Variants in PDPK1 observed in about 807,000 individuals in gnomAD.
PDPK1 encodes 3-phosphoinositide dependent protein kinase 1.
PDPK1 carries 7 observed loss-of-function variants against 39.8 expected under a neutral mutation model. The ratio of observed to expected loss-of-function variants is 0.18; its 90% CI spans 0.10 to 0.33. The LOEUF (loss-of-function observed/expected upper bound fraction) is 0.33. PDPK1 is among the 10% of genes least tolerant of loss of function. PDPK1 has a pLI of 1.00. For missense variants in PDPK1, 182 were observed against 384.7 expected (o/e 0.47, Z 4.41); for synonymous variants, 118 against 159.1 (o/e 0.74, Z 1.95).
chr16:2,577,922 A>G (rs1263712807), intron 7 of PDPK1, among the ~76,000 whole-genome samples: 1 of 147,986 alleles, frequency 6.8e-6, no homozygotes, highest in Non-Finnish European at 1.5e-5. Context: ...TATTTTTGGT[A>G]GAGACGGGGT....
At chr16:2,592,281 G>A (rs2067004540) in intron 11 of PDPK1, among the ~76,000 whole-genome samples, 1 of 152,180 alleles carries the variant, frequency 6.6e-6, no homozygotes, top group South Asian at 2.1e-4. Context: ...GTGCAGAGGT[G>A]GGGAGAGGTG....
intron 2 of PDPK1, among the ~76,000 whole-genome samples, chr16:2,560,739 G>A (rs1319216840): frequency 5.0e-5 from 7 of 141,388 alleles, no homozygotes; most frequent in Non-Finnish European, 9.2e-5. Flanking sequence ...TGGCTAAACC[G>A]TGGGCCCACC....
At chr16:2,586,553 C>A in intron 10 of PDPK1, 123 bp from the exon 11 acceptor site, 2 of 751,328 alleles carry the variant, frequency 2.7e-6, no homozygotes, top group Non-Finnish European at 4.5e-6. Context: ...CCCACCCTGT[C>A]GCCTTGCGCC....
intron 7 of PDPK1, among the ~76,000 whole-genome samples, chr16:2,578,051 G>A (rs1302834039): frequency 6.7e-6 from 1 of 149,032 alleles, no homozygotes; most frequent in Admixed American, 6.7e-5. Flanking sequence ...CGTTTCTTTG[G>A]GAAAAACTAT....
chr16:2,579,300 G>GC (rs2066773939), intron 7 of PDPK1: 2 of 102,384 alleles, frequency 2.0e-5, no homozygotes, highest in South Asian at 3.3e-4. Context: ...GCGGGGGGGG[G>GC]GCGCGACGTA....
At chr16:2,560,429 TC>T (rs1302620340) in intron 2 of PDPK1, among the ~76,000 whole-genome samples, 1 of 147,618 alleles carries the variant, frequency 6.8e-6, no homozygotes, top group East Asian at 1.9e-4. Flanking sequence ...GTATGTAGAG[TC>T]CCCAGAATCC....
In PDPK1 at chr16:2,593,428, T is replaced by A; in HGVS notation, c.1344-2365T>A. On this transcript the variant is annotated intron_variant, in intron 11 of 13. Coordinates refer to ENST00000342085, the MANE Select transcript of PDPK1 (RefSeq NM_002613.5). This position sits in a 1 kb window ranked among gnomAD's most constrained non-coding sequence, Gnocchi z 4.2. ...TGGAGGTGGTTTCGTCCTCTTTCCG[T>A]GGCTCCCACAGCTCAGTGCTGGGCT... 1 of 320,632 alleles carries A rather than the reference T, an allele frequency of 3.1e-6. No homozygotes were observed. Among genetic ancestry groups the A allele is most frequent in the South Asian group, 2.5e-5 (1 of 40,272 alleles). The allele number at this position is 320,632 out of a possible 1,614,324, so 19.9% of individuals were successfully genotyped here.
In PDPK1 at chr16:2,586,753, C is replaced by T. The variant is rs759022782; in HGVS notation, c.1203C>T (p.Asp401=). The change falls in exon 11 of 14, where the codon GAC becomes GAT. Residue 401 remains aspartate (D), a synonymous_variant. Transcript: ENST00000342085. ...SSSSHSLSAS[D]TGLPQRSGSN... ...CCTCACACTCCCTGTCAGCCTCCGA[C>T]ACGGGCCTGCCCCAGAGGTCAGGCA... 6.2e-7 allele frequency: 1 copy of T among 1,614,268 alleles called. No homozygotes were observed. Among genetic ancestry groups the T allele is most frequent in the East Asian group, 2.2e-5 (1 of 44,892 alleles).
chr16:2,597,582 C>A lies in PDPK1; in HGVS notation c.1555-69C>A. On this transcript the variant is annotated intron_variant, in intron 13 of 13. Coordinates refer to ENST00000342085, the MANE Select transcript of PDPK1 (RefSeq NM_002613.5). The surrounding 1 kb of genome is among the most constrained non-coding windows in gnomAD (Gnocchi z 6.3). ...ACTCGGAATGGCTGGTCGCAGGCAG[C>A]TCACCAGGTTGGGGTGGGGGTTTTG... 8.9e-7 allele frequency: 1 copy of A among 1,122,258 alleles called. No homozygotes were observed. The highest frequency in any genetic ancestry group is 1.4e-6 in the Non-Finnish European group (1 of 732,622). The allele number at this position is 1,122,258 out of a possible 1,614,324, so 69.5% of individuals were successfully genotyped here. A position where few individuals can be genotyped will look rare whatever the true frequency, so the allele number is the denominator to read the frequency against.
chr16:2,602,201 C>G lies in PDPK1; in HGVS notation c.*4434C>G, dbSNP rs2067230951. 4.3e-6 allele frequency: 1 copy of G among 234,236 alleles called. No individual in the cohort carries two copies. The highest frequency in any genetic ancestry group is 2.2e-5 in the African/African-American group (1 of 44,922). 14.5% of individuals were successfully genotyped at this position (234,236 alleles called of 1,614,324 possible). A position where few individuals can be genotyped will look rare whatever the true frequency, so the allele number is the denominator to read the frequency against. Reference sequence around the variant, plus strand: ...CTTGACATGAGCCTATGTTGACTCACTGGGTGGGGGTCCCTTCTTACGCAG... The same window carrying G: ...CTTGACATGAGCCTATGTTGACTCAGTGGGTGGGGGTCCCTTCTTACGCAG... On this transcript the variant is annotated 3_prime_UTR_variant, in exon 14 of 14. Transcript: ENST00000342085.
intron 1 of PDPK1, among the ~76,000 whole-genome samples, chr16:2,545,443 C>T (rs905902295): frequency 3.3e-5 from 5 of 152,012 alleles, no homozygotes; most frequent in African/African-American, 1.2e-4. Flanking sequence ...AAGCCATCCT[C>T]CAGCCTTAGC....
At chr16:2,586,385 C>T (rs904137998) in intron 10 of PDPK1, among the ~76,000 whole-genome samples, 5 of 152,238 alleles carry the variant, frequency 3.3e-5, no homozygotes, top group African/African-American at 4.8e-5. Context: ...TCACGGGGCC[C>T]GCAGGGTAAG....
intron 2 of PDPK1, among the ~76,000 whole-genome samples, chr16:2,558,465 G>A (rs1489472785): frequency 6.6e-6 from 1 of 150,734 alleles, no homozygotes; most frequent in African/African-American, 2.5e-5. Flanking sequence ...ACAGCCTCCA[G>A]AGTCTTGTGT....
At chr16:2,546,964 G>A (rs1327020288) in intron 1 of PDPK1, among the ~76,000 whole-genome samples, 5 of 150,422 alleles carry the variant, frequency 3.3e-5, no homozygotes, top group African/African-American at 1.2e-4. Flanking sequence ...CTCCGACCTC[G>A]GTGGGGGCGG....
intron 1 of PDPK1, among the ~76,000 whole-genome samples, chr16:2,545,306 G>T (rs1163385204): frequency 6.6e-6 from 1 of 151,814 alleles, no homozygotes; most frequent in African/African-American, 2.4e-5. Context: ...CCTCCTCAAA[G>T]CTCTTTCTTG....
At chr16:2,545,268 C>T (rs1464559254) in intron 1 of PDPK1, among the ~76,000 whole-genome samples, 7 of 151,940 alleles carry the variant, frequency 4.6e-5, no homozygotes, top group East Asian at 1.9e-4. Flanking sequence ...GCAAAGGTGA[C>T]GTGCAGCCTT....
chr16:2,543,955 G>C (rs998385312), intron 1 of PDPK1, among the ~76,000 whole-genome samples: 1 of 145,886 alleles, frequency 6.9e-6, no homozygotes, highest in African/African-American at 2.6e-5. Context: ...GGCTGGTCTC[G>C]AGCTCCTGAC....
Position 2,599,956 on chromosome 16 carries a change from G to A in PDPK1, c.*2189G>A, listed in dbSNP as rs113054936. On this transcript the variant is annotated 3_prime_UTR_variant, in exon 14 of 14. Coordinates refer to ENST00000342085, the MANE Select transcript of PDPK1 (RefSeq NM_002613.5). ...TAACCTCCAAAGCCACAGAACTAGG[G>A]GCTCAGAGCCAGAGCTGGCAGCCGC... The A allele has an allele frequency of 4.7e-5, 11 of 233,320 alleles. No homozygotes were observed. The highest frequency in any genetic ancestry group is 2.2e-4 in the African/African-American group (10 of 45,444). 14.5% of individuals were successfully genotyped at this position (233,320 alleles called of 1,614,324 possible). A position where few individuals can be genotyped will look rare whatever the true frequency, so the allele number is the denominator to read the frequency against.
chr16:2,587,094 G>C lies in PDPK1; in HGVS notation c.1343+201G>C, dbSNP rs555748049. ...AGGGGCTGAGTGGGTTGTGACCGCC[G>C]GGCGCTCCCCTCCTCTGCCGGGCAT... On this transcript the variant is annotated intron_variant, in intron 11 of 13. Transcript: ENST00000342085. Among the ~76,000 whole-genome samples the C allele has an allele frequency of 5.3e-5, 8 of 152,332 alleles. No homozygotes were observed. In the South Asian group the frequency reaches 1.7e-3, roughly 32 times the overall value.
Sources: allele counts gnomAD v4.1 joint callset (sites outside exome capture counted in the v4.1 genomes callset), GRCh38; gene constraint gnomAD v4.1.1; non-coding constraint Gnocchi (gnomAD v3.1); transcripts MANE v1.5; gene names NCBI Gene and HGNC (gene_info 2026-07-23, HGNC 2026-07-21).